CNOT1: variants seen among roughly 807,000 people sequenced by gnomAD.
CNOT1 encodes CCR4-associated factor 1.
In CNOT1, 15 loss-of-function variants were observed where a neutral mutation model predicts 273.8. The observed-to-expected ratio is 0.05, with a 90% CI of 0.04 to 0.08. The LOEUF (loss-of-function observed/expected upper bound fraction) is 0.08, where lower values mean the gene tolerates loss of function less well. CNOT1 is among the 10% of genes least tolerant of loss of function. CNOT1 has a pLI of 1.00. For missense variants in CNOT1, 1,644 were observed against 2,912.2 expected, an observed-to-expected ratio of 0.56 and a Z score of 10.02; for synonymous variants, 1,022 against 1,005.5, an observed-to-expected ratio of 1.02 and a Z score of -0.31.
In CNOT1 at chr16:58,538,079, T is replaced by A. The variant is rs781501258; in HGVS notation, c.5245-19A>T. On this transcript the variant is annotated intron_variant, in intron 37 of 48. Transcript: ENST00000317147. ...CCATTGACTGGCAACACAGAAAACA[T>A]AATGTGAGAGGGAAAACACTTAAGA... The A allele has an allele frequency of 9.3e-6, 15 of 1,614,136 alleles. No homozygotes were observed. The East Asian group carries it at 2.5e-4, about 26-fold the overall frequency.
At chr16:58,620,263 T>A (rs1284820698) in intron 1 of CNOT1, among the ~76,000 whole-genome samples, 1 of 152,142 alleles carries the variant, frequency 6.6e-6, no homozygotes, top group Non-Finnish European at 1.5e-5. Flanking sequence ...CAATTTTGCT[T>A]AAGGAAATTA....
At chr16:58,552,683 T>C (rs1455021381) in intron 22 of CNOT1, among the ~76,000 whole-genome samples, 1 of 152,198 alleles carries the variant, frequency 6.6e-6, no homozygotes, top group East Asian at 1.9e-4. Flanking sequence ...CTGAACTAAA[T>C]TAAAATACAG....
chr16:58,523,833 T>C (rs879806192), intron 46 of CNOT1: 22 of 202,480 alleles, frequency 1.1e-4, no homozygotes, highest in Non-Finnish European at 2.0e-4. Flanking sequence ...AAAAGACAGC[T>C]GGATTCTCAT....
At chr16:58,540,684 T>A (rs1335988332) in intron 34 of CNOT1, among the ~76,000 whole-genome samples, 2 of 152,160 alleles carry the variant, frequency 1.3e-5, no homozygotes, top group Admixed American at 6.5e-5. Flanking sequence ...TTATTAGTAT[T>A]CATTTCTGAC....
intron 1 of CNOT1, among the ~76,000 whole-genome samples, chr16:58,608,723 C>A (rs1320013512): frequency 6.6e-6 from 1 of 152,138 alleles, no homozygotes; most frequent in African/African-American, 2.4e-5. Flanking sequence ...AAATGCCCAT[C>A]CATCAACGAG....
Position 58,525,994 on chromosome 16 carries a change from G to A in CNOT1, c.6598C>T (p.Leu2200=). The stretch of plus-strand genomic sequence containing the variant: ...TTTAAGCCAAACCAATTAACCTGTA[G>A]GTTGCTGCGCAGATCAGACAGGAAA... The part of the protein sequence containing the change: ...VTFLSDLRSN[L]QVSNEPGNRY... Residue 2200 remains leucine (L), a synonymous_variant, in exon 45 of 49, where the codon CTA becomes TTA. Coordinates refer to ENST00000317147, the MANE Select transcript of CNOT1 (RefSeq NM_016284.5). The A allele has an allele frequency of 6.2e-7, 1 of 1,613,918 alleles. No homozygotes were observed. Among genetic ancestry groups the A allele is most frequent in the Non-Finnish European group, 8.5e-7 (1 of 1,179,874 alleles).
chr16:58,528,994 A>G (rs1199674114), intron 43 of CNOT1, among the ~76,000 whole-genome samples: 1 of 152,072 alleles, frequency 6.6e-6, no homozygotes, highest in Admixed American at 6.5e-5. Flanking sequence ...AAAGCATATA[A>G]TAAATTTTTT....
intron 1 of CNOT1, among the ~76,000 whole-genome samples, chr16:58,617,717 T>C (rs2043142822): frequency 1.3e-5 from 2 of 152,086 alleles, no homozygotes; most frequent in Non-Finnish European, 2.9e-5. Flanking sequence ...ACCTCAAAAT[T>C]AACTTTTGGC....
intron 2 of CNOT1, among the ~76,000 whole-genome samples, chr16:58,595,755 G>C (rs1226148245): frequency 6.6e-6 from 1 of 152,164 alleles, no homozygotes; most frequent in Admixed American, 6.6e-5. Flanking sequence ...GACAGAGTCA[G>C]TGATCCTGCC....
chr16:58,562,780 G>A (rs2040904557), intron 16 of CNOT1, among the ~76,000 whole-genome samples: 1 of 151,876 alleles, frequency 6.6e-6, no homozygotes, highest in Non-Finnish European at 1.5e-5. Flanking sequence ...CTGAGATCGC[G>A]CCACTGCACT....
At chr16:58,614,091 C>CA (rs377347672) in intron 1 of CNOT1, among the ~76,000 whole-genome samples, 18,990 of 51,228 alleles carry the variant, frequency 0.37, 4,627 homozygotes, top group African/African-American at 0.52. Flanking sequence ...GACACTGTCT[C>CA]AAAAAAAAAA....
At chr16:58,580,484 A>G in intron 12 of CNOT1, 149 bp downstream of exon 12, 1 of 1,265,910 alleles carries the variant, frequency 7.9e-7, no homozygotes, top group Non-Finnish European at 1.0e-6. Context: ...TTATCTACCA[A>G]CCCCCTCTAT....
intron 16 of CNOT1, among the ~76,000 whole-genome samples, chr16:58,567,989 A>C (rs981743337): frequency 1.3e-5 from 2 of 152,224 alleles, no homozygotes; most frequent in African/African-American, 4.8e-5. Context: ...GTTTACAAAA[A>C]ACATTTGAAA....
At position 58,523,999 on chromosome 16, in the gene CNOT1, G is replaced by C. The variant is rs148121941; in HGVS notation, c.6785-497C>G. Among the ~76,000 whole-genome samples the C allele has an allele frequency of 2.0e-3, 301 of 152,288 alleles. 1 individual carries two copies. Among genetic ancestry groups the C allele is most frequent in the African/African-American group, 6.9e-3 (288 of 41,570 alleles). ...ACGGTGGCTCACGCCTGTAATCCCA[G>C]CACTTTGGGAGGCTGAGGCAAGTGG... On this transcript the variant is annotated intron_variant, in intron 46 of 48. Coordinates refer to ENST00000317147, the MANE Select transcript of CNOT1 (RefSeq NM_016284.5).
At chr16:58,587,128 A>C in intron 6 of CNOT1, 73 bp downstream of exon 6, 5 of 1,543,022 alleles carry the variant, frequency 3.2e-6, no homozygotes, top group Non-Finnish European at 4.4e-6. Flanking sequence ...AGTCTAAATC[A>C]CAGAGCCTCA....
chr16:58,581,665 T>C (rs11641388), intron 10 of CNOT1, 150 bp from the exon 11 acceptor site: 5 of 1,313,414 alleles, frequency 3.8e-6, no homozygotes, highest in Non-Finnish European at 5.0e-6. Context: ...TCTTTTTTTT[T>C]CTTTTTTTTT....
In CNOT1 at chr16:58,577,726, C is replaced by A. The variant is rs1413859781; in HGVS notation, c.1584+973G>T. 1.5e-4 allele frequency among the ~76,000 whole-genome samples: 23 copies of A among 151,788 alleles called. 1 individual carries two copies. Among genetic ancestry groups the A allele is most frequent in the Admixed American group, 1.5e-3 (23 of 15,234 alleles). The stretch of plus-strand genomic sequence containing the variant: ...TGGTGGCATGTGCCTGTGGTCCCAT[C>A]TACTTAGGATGGCTGAGGCAGAATG... On this transcript the variant is annotated intron_variant, in intron 13 of 48. Transcript: ENST00000317147.
intron 1 of CNOT1, among the ~76,000 whole-genome samples, chr16:58,599,990 G>A (rs983104746): frequency 6.6e-6 from 1 of 151,794 alleles, no homozygotes; most frequent in African/African-American, 2.4e-5. Flanking sequence ...TTGAAACTAG[G>A]AGGCAGAGGG....
rs769887979 is a variant in CNOT1, at chr16:58,582,746, T to C, written c.1044+47A>G. 5 of 1,115,438 alleles carry C rather than the reference T, an allele frequency of 4.5e-6. No homozygotes were observed. The African/African-American group carries it at 4.6e-5, about 10-fold the overall frequency. The allele number at this position is 1,115,438 out of a possible 1,614,324, so 69.1% of individuals were successfully genotyped here. A position where few individuals can be genotyped will look rare whatever the true frequency, so the allele number is the denominator to read the frequency against. ...TTAAAAATTTGCTTTCTTTGGACTATATCATTCAAATACCACAAATCAAAA... is the reference window on the plus strand; with the variant it reads ...TTAAAAATTTGCTTTCTTTGGACTACATCATTCAAATACCACAAATCAAAA... On this transcript the variant is annotated intron_variant, in intron 10 of 48. Coordinates refer to ENST00000317147, the MANE Select transcript of CNOT1 (RefSeq NM_016284.5).
Sources: gnomAD v4.1 joint callset for allele counts (sites outside exome capture counted in the v4.1 genomes callset) on GRCh38, gnomAD v4.1.1 for gene constraint, MANE v1.5 for transcripts, NCBI Gene and HGNC (gene_info 2026-07-23, HGNC 2026-07-21) for gene names.